MYO5B: variants seen among roughly 807,000 people sequenced by gnomAD.
MYO5B encodes myosin VB, also known as unconventional myosin-Vb.
A neutral mutation model predicts 229.3 loss-of-function variants in MYO5B; 143 were observed. The ratio of observed to expected loss-of-function variants is 0.62; its 90% CI spans 0.54 to 0.72. The LOEUF (loss-of-function observed/expected upper bound fraction) is 0.72. MYO5B is among the 30% of genes least tolerant of loss of function. The probability of loss-of-function intolerance (pLI) is 0.00; values close to 1 mark genes in which losing one functional copy is unlikely to be tolerated. For missense variants in MYO5B, 2,321 were observed against 2,331.0 expected (o/e 1.00, Z 0.09); for synonymous variants, 918 against 885.2 (o/e 1.04, Z -0.66).
intron 35 of MYO5B, 160 bp from the exon 36 acceptor site, chr18:49,839,454 A>G: frequency 1.3e-6 from 1 of 772,462 alleles, no homozygotes; most frequent in Non-Finnish European, 2.2e-6. Flanking sequence ...CAGTTCTTTG[A>G]GGCCTCATTG....
chr18:49,883,487 A>G (rs1349063392), intron 22 of MYO5B, among the ~76,000 whole-genome samples: 2 of 152,246 alleles, frequency 1.3e-5, no homozygotes, highest in Non-Finnish European at 2.9e-5. Flanking sequence ...GAAATTAAAG[A>G]TCTTAATAAA....
intron 14 of MYO5B, among the ~76,000 whole-genome samples, chr18:49,950,807 C>A (rs1371791994): frequency 6.6e-6 from 1 of 152,088 alleles, no homozygotes; most frequent in Non-Finnish European, 1.5e-5. Flanking sequence ...CAATCTAAAA[C>A]AATATTCTTG....
intron 2 of MYO5B, among the ~76,000 whole-genome samples, chr18:50,042,385 G>A (rs73444788): frequency 0.011 from 1,623 of 152,208 alleles, 31 homozygotes; most frequent in African/African-American, 0.037. Context: ...ATGGATGACC[G>A]TGCAAAATAT....
In MYO5B at chr18:50,043,637, A is replaced by C. The variant is rs1299261411; in HGVS notation, c.139-3323T>G. Among the ~76,000 whole-genome samples the C allele has an allele frequency of 3.7e-5, 5 of 136,524 alleles. No individual in the cohort carries two copies. The East Asian group carries it at 1.0e-3, about 28-fold the overall frequency. 89.6% of individuals were successfully genotyped at this position (136,524 alleles called of 152,430 possible). A position where few individuals can be genotyped will look rare whatever the true frequency, so the allele number is the denominator to read the frequency against. Reference sequence around the variant, plus strand: ...ATATATATAAATATATAAATATATTAAATATATTTATAAATATGTAAATAT... The same window carrying C: ...ATATATATAAATATATAAATATATTCAATATATTTATAAATATGTAAATAT... On this transcript the variant is annotated intron_variant, in intron 2 of 39. Transcript: ENST00000285039.
chr18:50,059,724 A>G (rs2030641330), intron 1 of MYO5B, among the ~76,000 whole-genome samples: 1 of 152,144 alleles, frequency 6.6e-6, no homozygotes, highest in South Asian at 2.1e-4. Context: ...CCTCACTTTT[A>G]TCTTACTTTA....
chr18:49,852,240 T>C (rs977103255), intron 31 of MYO5B, among the ~76,000 whole-genome samples: 3 of 152,224 alleles, frequency 2.0e-5, no homozygotes, highest in Admixed American at 6.5e-5. Context: ...TATAGGGTGA[T>C]TGTTCACTGC....
At position 49,837,749 on chromosome 18, in the gene MYO5B, T is replaced by C; in HGVS notation, c.4906A>G (p.Thr1636Ala). The change falls in exon 37 of 40, where the codon ACC (threonine) becomes GCC (alanine). Residue 1636 changes from threonine to alanine, a missense_variant. Transcript: ENST00000285039. ...CTGGAGGAGCGCTTCCGGTAGCCGG[T>C]GGGCTTCACACCAGATAGACCCTGA... The part of the protein sequence containing the change: ...SIQGLSGVKP[T>A]GYRKRSSSMA... The C allele has an allele frequency of 1.2e-6, 2 of 1,614,194 alleles. No homozygotes were observed. The highest frequency in any genetic ancestry group is 1.1e-5 in the South Asian group (1 of 91,078).
intron 4 of MYO5B, among the ~76,000 whole-genome samples, chr18:50,012,024 C>T (rs1312972003): frequency 6.6e-6 from 1 of 152,104 alleles, no homozygotes; most frequent in African/African-American, 2.4e-5. Context: ...ATTATTTGCT[C>T]ACCACAGAGT....
intron 21 of MYO5B, among the ~76,000 whole-genome samples, chr18:49,897,272 C>G (rs904976509): frequency 3.3e-5 from 5 of 152,156 alleles, no homozygotes; most frequent in Non-Finnish European, 5.9e-5. Context: ...GTGCCCACAC[C>G]CTCGGAGACC....
At chr18:50,045,878 C>A (rs2030210713) in intron 2 of MYO5B, among the ~76,000 whole-genome samples, 1 of 152,144 alleles carries the variant, frequency 6.6e-6, no homozygotes, top group Non-Finnish European at 1.5e-5. Context: ...AGTAGGTGCT[C>A]AAAAAATATT....
chr18:50,164,843 ATAAGAG>A (rs1345097971), intron 1 of MYO5B, among the ~76,000 whole-genome samples: 4 of 152,182 alleles, frequency 2.6e-5, no homozygotes, highest in Non-Finnish European at 5.9e-5. Flanking sequence ...GGTTTCTATC[ATAAGAG>A]TAAAATAGAA....
intron 1 of MYO5B, among the ~76,000 whole-genome samples, chr18:50,168,293 A>C (rs1322641829): frequency 6.6e-6 from 1 of 152,216 alleles, no homozygotes; most frequent in African/African-American, 2.4e-5. Flanking sequence ...CTAAGGGAGT[A>C]AAGTGGAAAA....
chr18:49,988,344 C>T (rs973578173), intron 7 of MYO5B, among the ~76,000 whole-genome samples: 2 of 152,140 alleles, frequency 1.3e-5, no homozygotes, highest in African/African-American at 2.4e-5. Context: ...AGAGCACAAG[C>T]GCTTGTCAAA....
intron 1 of MYO5B, among the ~76,000 whole-genome samples, chr18:50,098,049 C>T (rs2031587341): frequency 6.6e-6 from 1 of 152,170 alleles, no homozygotes; most frequent in African/African-American, 2.4e-5. Context: ...ACACCCTGAA[C>T]CACATTCAAA....
intron 5 of MYO5B, among the ~76,000 whole-genome samples, chr18:49,992,967 TACCTTC>T (rs1219449578): frequency 6.6e-6 from 1 of 152,156 alleles, no homozygotes; most frequent in Non-Finnish European, 1.5e-5. Context: ...TGACAAATAA[TACCTTC>T]CTAGCAATAC....
chr18:50,062,748 G>T (rs1008912975), intron 1 of MYO5B, among the ~76,000 whole-genome samples: 3 of 152,164 alleles, frequency 2.0e-5, no homozygotes, highest in Admixed American at 1.3e-4. Flanking sequence ...AATTTGGGGA[G>T]CCCAAATCAA....
chr18:50,194,001 C>T (rs552321437), intron 1 of MYO5B, among the ~76,000 whole-genome samples: 3 of 152,312 alleles, frequency 2.0e-5, no homozygotes, highest in African/African-American at 7.2e-5. Context: ...TGAAGGCATC[C>T]TGAAACTCAC....
chr18:49,988,584 A>G (rs1328979767), intron 7 of MYO5B, among the ~76,000 whole-genome samples: 1 of 152,250 alleles, frequency 6.6e-6, no homozygotes, highest in African/African-American at 2.4e-5. Flanking sequence ...AACTGGGACA[A>G]CTGATCCAAA....
intron 4 of MYO5B, among the ~76,000 whole-genome samples, chr18:50,004,840 G>A (rs951028406): frequency 2.0e-5 from 3 of 152,164 alleles, no homozygotes; most frequent in Admixed American, 1.3e-4. Flanking sequence ...GCGTGCAGCA[G>A]CTCTCCCACT....
Sources: gnomAD v4.1 joint callset for allele counts (sites outside exome capture counted in the v4.1 genomes callset) on GRCh38, gnomAD v4.1.1 for gene constraint, MANE v1.5 for transcripts, NCBI Gene and HGNC (gene_info 2026-07-23, HGNC 2026-07-21) for gene names.